The following AGBL3 variants were observed in gnomAD, a reference collection of about 807,000 sequenced individuals.
AGBL3 encodes the protein cytosolic carboxypeptidase 3.
Under a neutral mutation model 94.5 loss-of-function variants are expected in AGBL3, and 68 were observed. That is an observed-to-expected ratio of 0.72 (90% CI 0.59 to 0.88). AGBL3 has a LOEUF of 0.88. Ranked by LOEUF, AGBL3 falls within the 40% of genes least tolerant of loss-of-function variation. The pLI, the probability that AGBL3 is intolerant of heterozygous loss-of-function variation, is 0.00. For synonymous variants in AGBL3, 354 were observed against 370.7 expected (o/e 0.95, Z 0.52); for missense variants, 934 against 1,103.8 (o/e 0.85, Z 2.18).
rs976144424 is a variant in AGBL3 at position 135,075,728 on chromosome 7, T to A, written c.1909-669T>A. Among the ~76,000 whole-genome samples, 91 of 152,242 alleles carry A rather than the reference T, an allele frequency of 6.0e-4. 1 individual carries two copies. The highest frequency in any genetic ancestry group is 1.5e-4 in the Non-Finnish European group (10 of 68,040). ...TTATGAGTAATCCGTTTTCTGTGCATCCTCACCAAAATTTGGTATTGTCAC... is the reference window on the plus strand; with the variant it reads ...TTATGAGTAATCCGTTTTCTGTGCAACCTCACCAAAATTTGGTATTGTCAC... On this transcript the variant is annotated intron_variant, in intron 12 of 16. Transcript: ENST00000436302.
At chr7:135,021,262 T>C (rs1814408836) in intron 5 of AGBL3, among the ~76,000 whole-genome samples, 1 of 152,110 alleles carries the variant, frequency 6.6e-6, no homozygotes, top group South Asian at 2.1e-4. Context: ...TTAGCATTTG[T>C]ATAGTGCATA....
At chr7:135,094,699 C>A (rs771125190) in intron 15 of AGBL3, 2 of 356,742 alleles carry the variant, frequency 5.6e-6, no homozygotes, top group Non-Finnish European at 1.1e-5. Context: ...AGGTTAGAGA[C>A]AAATGAAGCA....
At chr7:135,077,670 A>G (rs531189394) in intron 13 of AGBL3, among the ~76,000 whole-genome samples, 9 of 152,148 alleles carry the variant, frequency 5.9e-5, no homozygotes, top group East Asian at 5.8e-4. Flanking sequence ...AGCAACATCA[A>G]TTCTTGCCTT....
rs371012079 is a variant in AGBL3, at chr7:135,116,556, G to A, written c.2342+945G>A. Among the ~76,000 whole-genome samples, 3 of 152,198 alleles carry A rather than the reference G, an allele frequency of 2.0e-5. No homozygotes were observed. The East Asian group carries it at 5.8e-4, about 29-fold the overall frequency. On this transcript the variant is annotated intron_variant, in intron 16 of 16. Transcript: ENST00000436302. ...GAGGTACTTCATTTCTGTCCATTGAGTATGGAAATCTCGGCTCCCCATTTG... is the reference window on the plus strand; with the variant it reads ...GAGGTACTTCATTTCTGTCCATTGAATATGGAAATCTCGGCTCCCCATTTG...
At chr7:135,065,190 A>G (rs927436818) in intron 12 of AGBL3, among the ~76,000 whole-genome samples, 1 of 152,266 alleles carries the variant, frequency 6.6e-6, no homozygotes, top group Non-Finnish European at 1.5e-5. Context: ...AATTGAAGAC[A>G]CAAATAAATG....
At chr7:135,105,537 G>A (rs1368324856) in intron 15 of AGBL3, among the ~76,000 whole-genome samples, 1 of 152,204 alleles carries the variant, frequency 6.6e-6, no homozygotes, top group Non-Finnish European at 1.5e-5. Context: ...AGATCAGATG[G>A]TTGTAGATGT....
At chr7:134,987,448 T>G (rs184106916) in intron 1 of AGBL3, among the ~76,000 whole-genome samples, 1 of 152,338 alleles carries the variant, frequency 6.6e-6, no homozygotes, top group Admixed American at 6.5e-5. Flanking sequence ...AATCAAAATG[T>G]AAAGTCTTGT....
At chr7:135,107,505 T>A (rs1038796915) in intron 15 of AGBL3, among the ~76,000 whole-genome samples, 2 of 152,250 alleles carry the variant, frequency 1.3e-5, no homozygotes, top group African/African-American at 4.8e-5. Context: ...TTGTTTAGTT[T>A]CCCTGTAATT....
intron 12 of AGBL3, among the ~76,000 whole-genome samples, chr7:135,061,199 C>G (rs577730394): frequency 4.6e-5 from 7 of 152,018 alleles, no homozygotes; most frequent in African/African-American, 1.4e-4. Context: ...GTTCTTTTGA[C>G]AAGTATCTAT....
chr7:135,129,687 G>GC (rs1828453940), intron 16 of AGBL3: 2 of 776,162 alleles, frequency 2.6e-6, no homozygotes, highest in African/African-American at 3.4e-5. Flanking sequence ...TGAGATTGAA[G>GC]ACTAGTTAAC....
chr7:135,028,318 T>G (rs567747017), intron 5 of AGBL3, among the ~76,000 whole-genome samples: 1 of 149,064 alleles, frequency 6.7e-6, no homozygotes, highest in African/African-American at 2.4e-5. Context: ...CAGTAAAACT[T>G]CTTTCAAAAT....
At chr7:135,050,632 T>C (rs1049093496) in intron 11 of AGBL3, among the ~76,000 whole-genome samples, 2 of 152,158 alleles carry the variant, frequency 1.3e-5, no homozygotes, top group South Asian at 4.1e-4. Context: ...TATATCTTCC[T>C]AGTGGATTGA....
chr7:134,991,762 T>G (rs1023328137), intron 3 of AGBL3, among the ~76,000 whole-genome samples: 1 of 151,890 alleles, frequency 6.6e-6, no homozygotes, highest in Non-Finnish European at 1.5e-5. Context: ...AAGGCTACTC[T>G]CAAGCATTTT....
At position 135,115,641 on chromosome 7, in the gene AGBL3, C is replaced by G. The variant is rs868252390; in HGVS notation, c.2342+30C>G. 5 of 1,426,156 alleles carry G rather than the reference C, an allele frequency of 3.5e-6. No homozygotes were observed. The Middle Eastern group carries it at 7.2e-4, about 205-fold the overall frequency. 88.3% of individuals were successfully genotyped at this position (1,426,156 alleles called of 1,614,324 possible). ...GTCAATACAATTTTATCACTCTTAT[C>G]TATTTAACACATCTTTTTTAAAAAA... On this transcript the variant is annotated intron_variant, in intron 16 of 16. Transcript: ENST00000436302.
chr7:135,007,435 A>C (rs962399516), intron 4 of AGBL3, among the ~76,000 whole-genome samples: 21 of 151,982 alleles, frequency 1.4e-4, no homozygotes, highest in Admixed American at 1.4e-3. Flanking sequence ...AAAAGAAACA[A>C]GATAATTTCA....
intron 12 of AGBL3, among the ~76,000 whole-genome samples, chr7:135,075,601 G>C (rs1820371151): frequency 6.6e-6 from 1 of 152,168 alleles, no homozygotes; most frequent in African/African-American, 2.4e-5. Flanking sequence ...AGTTCAATTG[G>C]TAGGTGGTAT....
intron 16 of AGBL3, among the ~76,000 whole-genome samples, chr7:135,126,450 A>C (rs529649710): frequency 3.3e-5 from 5 of 152,244 alleles, no homozygotes; most frequent in Admixed American, 6.5e-5. Context: ...TATCATGAAA[A>C]TGGCAGTACT....
chr7:135,005,298 A>G (rs558137529), intron 4 of AGBL3, among the ~76,000 whole-genome samples: 1 of 151,914 alleles, frequency 6.6e-6, no homozygotes, highest in Admixed American at 6.6e-5. Flanking sequence ...GAATTTTAAC[A>G]AATTTAACAA....
chr7:135,115,679 A>G, intron 16 of AGBL3, 68 bp downstream of exon 16: 1 of 1,282,062 alleles, frequency 7.8e-7, no homozygotes, highest in Non-Finnish European at 1.1e-6. Context: ...AGGGCTTATT[A>G]ATTTATTATC....
Sources: allele counts gnomAD v4.1 joint callset (sites outside exome capture counted in the v4.1 genomes callset), GRCh38; gene constraint gnomAD v4.1.1; transcripts MANE v1.5; gene names NCBI Gene and HGNC (gene_info 2026-07-23, HGNC 2026-07-21).